Variants in NTNG2 observed in about 807,000 individuals in gnomAD.
NTNG2 encodes the protein netrin-G2.
NTNG2 carries 15 observed loss-of-function variants against 47.6 expected under a neutral mutation model. The observed-to-expected ratio is 0.32, with a 90% CI of 0.21 to 0.49. The LOEUF (loss-of-function observed/expected upper bound fraction) is 0.49. NTNG2 is among the 20% of genes least tolerant of loss of function. The pLI is 0.99. For missense variants in NTNG2, 578 were observed against 764.6 expected, an observed-to-expected ratio of 0.76 and a Z score of 2.88; for synonymous variants, 307 against 324.6, an observed-to-expected ratio of 0.95 and a Z score of 0.58.
In NTNG2 at chr9:132,206,941, C is replaced by G. The variant is rs111369550; in HGVS notation, c.857+8332C>G. 6.4e-3 allele frequency among the ~76,000 whole-genome samples: 978 copies of G among 152,342 alleles called. 17 individuals carry two copies. The East Asian group carries it at 0.07, about 11-fold the overall frequency. ...GGCAGGTGGTTGACCCCTGGACCTG[C>G]GGTCTCCTCTGGTCTTTGGCTCTGC... On this transcript the variant is annotated intron_variant, in intron 3 of 7. Transcript: ENST00000393229.
intron 2 of NTNG2, among the ~76,000 whole-genome samples, chr9:132,169,574 G>C (rs1835744213): frequency 1.3e-5 from 2 of 152,326 alleles, no homozygotes; most frequent in South Asian, 4.1e-4. Context: ...GAGAAGGCAG[G>C]CTGGGAACTG....
intron 4 of NTNG2, among the ~76,000 whole-genome samples, chr9:132,227,784 C>T (rs566488788): frequency 3.9e-5 from 6 of 152,322 alleles, no homozygotes; most frequent in Admixed American, 1.3e-4. Flanking sequence ...ACCACCCACC[C>T]GGGCGCGCTA....
At chr9:132,223,038 C>T (rs1012713530) in intron 3 of NTNG2, among the ~76,000 whole-genome samples, 2 of 152,124 alleles carry the variant, frequency 1.3e-5, no homozygotes, top group Non-Finnish European at 2.9e-5. Flanking sequence ...TGCTTGAGCC[C>T]GAGAGGCAGA....
At position 132,166,766 on chromosome 9, in the gene NTNG2, C is replaced by T; in HGVS notation, c.-66C>T. The T allele has an allele frequency of 1.3e-6, 2 of 1,509,722 alleles. No individual in the cohort carries two copies. Among genetic ancestry groups the T allele is most frequent in the Admixed American group, 3.3e-5 (2 of 59,730 alleles). The allele number at this position is 1,509,722 out of a possible 1,614,324, so 93.5% of individuals were successfully genotyped here. On this transcript the variant is annotated 5_prime_UTR_variant, in exon 2 of 8. Transcript: ENST00000393229. ...GCATTTCCATGCTGAGGCCGCGAGT[C>T]CCGCCTGACCCCGTCGCTGCCTCTC...
chr9:132,228,257 C>T (rs1399411207), intron 4 of NTNG2, among the ~76,000 whole-genome samples: 1 of 152,230 alleles, frequency 6.6e-6, no homozygotes, highest in Non-Finnish European at 1.5e-5. Context: ...AGGCATGTCA[C>T]GCGTGTGCTA....
intron 3 of NTNG2, among the ~76,000 whole-genome samples, chr9:132,223,271 G>A (rs567739428): frequency 1.2e-3 from 179 of 152,312 alleles, no homozygotes; most frequent in Admixed American, 3.7e-3. Flanking sequence ...GCTGGTGGAC[G>A]CAGGGGCCGC....
At chr9:132,183,476 G>A (rs1312039063) in intron 2 of NTNG2, among the ~76,000 whole-genome samples, 5 of 152,076 alleles carry the variant, frequency 3.3e-5, no homozygotes, top group Non-Finnish European at 5.9e-5. Context: ...CAGACTAGTC[G>A]AGTGTCCCTC....
Position 132,180,250 on chromosome 9 carries a change from C to CA in NTNG2, c.213+13210dup, listed in dbSNP as rs1416061190. On this transcript the variant is annotated intron_variant, in intron 2 of 7. Transcript: ENST00000393229. This position sits in a 1 kb window ranked among gnomAD's most constrained non-coding sequence, Gnocchi z 4.2. ...GCCGAAGCAGAAGTCTGCTGTCGGG[C>CA]AAAAGGTGAAGAAGAGACCAATGAG... 1.3e-5 allele frequency among the ~76,000 whole-genome samples: 2 copies of CA among 152,242 alleles called. No homozygotes were observed. The highest frequency in any genetic ancestry group is 4.8e-5 in the African/African-American group (2 of 41,462).
chr9:132,174,396 C>T (rs1041894796), intron 2 of NTNG2, among the ~76,000 whole-genome samples: 3 of 151,864 alleles, frequency 2.0e-5, no homozygotes, highest in Non-Finnish European at 2.9e-5. Context: ...ACAGGCAGGC[C>T]GCACCATGCT....
At chr9:132,240,073 C>T (rs986566311) in intron 6 of NTNG2, among the ~76,000 whole-genome samples, 2 of 152,248 alleles carry the variant, frequency 1.3e-5, no homozygotes, top group African/African-American at 2.4e-5. Flanking sequence ...GGCCAGGTCT[C>T]GGCCTCAGGG....
intron 7 of NTNG2, 46 bp from the exon 8 acceptor site, chr9:132,241,830 G>C: frequency 7.1e-7 from 1 of 1,400,096 alleles, no homozygotes; most frequent in Non-Finnish European, 9.6e-7. Context: ...GAGGTTGGCG[G>C]GGGGACCGGG....
At chr9:132,193,669 A>G (rs923225001) in intron 2 of NTNG2, among the ~76,000 whole-genome samples, 3 of 152,076 alleles carry the variant, frequency 2.0e-5, no homozygotes, top group African/African-American at 7.2e-5. Flanking sequence ...AAAACTCCCA[A>G]TTCGTCTCTA....
At chr9:132,237,364 C>A (rs1841705799) in intron 5 of NTNG2, among the ~76,000 whole-genome samples, 2 of 152,200 alleles carry the variant, frequency 1.3e-5, no homozygotes, top group African/African-American at 4.8e-5. Context: ...TTGCTGGGCT[C>A]TTCCCTGGGC....
chr9:132,213,301 C>G (rs1839734706), intron 3 of NTNG2, among the ~76,000 whole-genome samples: 1 of 146,008 alleles, frequency 6.8e-6, no homozygotes, highest in Non-Finnish European at 1.5e-5. Flanking sequence ...CAGCCTCCAG[C>G]CTGGGCGATG....
intron 6 of NTNG2, among the ~76,000 whole-genome samples, chr9:132,240,117 G>C (rs1589571176): frequency 6.6e-6 from 1 of 152,358 alleles, no homozygotes; most frequent in East Asian, 1.9e-4. Context: ...CAGGCCCCTT[G>C]GGACACCATC....
chr9:132,174,553 C>T (rs1836263314), intron 2 of NTNG2, among the ~76,000 whole-genome samples: 1 of 152,140 alleles, frequency 6.6e-6, no homozygotes, highest in African/African-American at 2.4e-5. Context: ...GACACAACCT[C>T]GAAGGACGTG....
intron 2 of NTNG2, among the ~76,000 whole-genome samples, chr9:132,168,220 C>T (rs1366733493): frequency 2.6e-5 from 4 of 152,328 alleles, no homozygotes; most frequent in Non-Finnish European, 4.4e-5. Context: ...AAGCTGCTTC[C>T]CACTGGGCAG....
At position 132,218,966 on chromosome 9, in the gene NTNG2, C is replaced by T. The variant is rs1840173629; in HGVS notation, c.858-7883C>T. 6.6e-6 allele frequency among the ~76,000 whole-genome samples: 1 copy of T among 152,224 alleles called. No homozygotes were observed. The highest frequency in any genetic ancestry group is 2.1e-4 in the South Asian group (1 of 4,838). ...TGATTCACACGTTGTACAATCCACA[C>T]ATGTAAAGCGTACAATTCAGTCGCT... On this transcript the variant is annotated intron_variant, in intron 3 of 7. Transcript: ENST00000393229. The surrounding 1 kb of genome is among the most constrained non-coding windows in gnomAD (Gnocchi z 5.4).
Position 132,166,942 on chromosome 9 carries a change from C to T in NTNG2, c.111C>T (p.Tyr37=), listed in dbSNP as rs142515065. 6.1e-5 allele frequency: 98 copies of T among 1,614,102 alleles called. No homozygotes were observed. The highest frequency in any genetic ancestry group is 6.0e-4 in the East Asian group (27 of 44,894). ...ATGAGGGCCCCACCTGGGAGTTCTA[C>T]GCCTGCCAGCCCAAGGTGATGCGCC... ...TTDEGPTWEF[Y]ACQPKVMRLK... Residue 37 remains tyrosine, a synonymous_variant, in exon 2 of 8, where the codon TAC becomes TAT. Coordinates refer to ENST00000393229, the MANE Select transcript of NTNG2 (RefSeq NM_032536.4).
Sources: allele counts gnomAD v4.1 joint callset (sites outside exome capture counted in the v4.1 genomes callset), GRCh38; gene constraint gnomAD v4.1.1; non-coding constraint Gnocchi (gnomAD v3.1); transcripts MANE v1.5; gene names NCBI Gene and HGNC (gene_info 2026-07-23, HGNC 2026-07-21).